Variants in NCKAP1 observed in about 807,000 individuals in gnomAD.
NCKAP1 encodes NCK associated protein 1, also known as nck-associated protein 1.
A neutral mutation model predicts 151.2 loss-of-function variants in NCKAP1; 21 were observed. The ratio of observed to expected loss-of-function variants is 0.14; its 90% CI spans 0.10 to 0.20. The LOEUF is 0.20. NCKAP1 is among the 10% of genes least tolerant of loss of function. The probability of loss-of-function intolerance (pLI) is 1.00; values close to 1 mark genes in which losing one functional copy is unlikely to be tolerated. For synonymous variants in NCKAP1, 484 were observed against 451.8 expected (o/e 1.07, Z -0.90); for missense variants, 933 against 1,352.1 (o/e 0.69, Z 4.86).
intron 26 of NCKAP1, 34 bp from the exon 27 acceptor site, chr2:182,930,822 T>C (rs754782768): frequency 1.8e-5 from 28 of 1,553,850 alleles, no homozygotes; most frequent in Non-Finnish European, 2.4e-5. Context: ...GAGCAATAAA[T>C]AGTCTAACAA....
intron 29 of NCKAP1, chr2:182,927,133 T>C (rs13421966): frequency 0.18 from 67,882 of 382,274 alleles, 6,499 homozygotes; most frequent in East Asian, 0.23. Context: ...AATATTCTTA[T>C]TGGTCTTTAA....
At chr2:183,018,697 A>C (rs2105890323) in intron 2 of NCKAP1, among the ~76,000 whole-genome samples, 1 of 152,346 alleles carries the variant, frequency 6.6e-6, no homozygotes, top group African/African-American at 2.4e-5. Context: ...AACTTTTAAA[A>C]AGTGTGGATA....
intron 15 of NCKAP1, among the ~76,000 whole-genome samples, chr2:182,972,238 A>C (rs1422382218): frequency 2.0e-5 from 3 of 150,846 alleles, no homozygotes; most frequent in South Asian, 2.1e-4. Context: ...AAAAAAAAAA[A>C]AAAAAAACAA....
rs1466802490 is a variant in NCKAP1 at position 182,912,359 on chromosome 2, C to G, written c.*13343G>C. On this transcript the variant is annotated 3_prime_UTR_variant, in exon 31 of 31. Coordinates refer to ENST00000361354, the MANE Select transcript of NCKAP1 (RefSeq NM_013436.5). ...TTTTTGCCAGTGCCAAAAAGATTTC[C>G]AAATCTTTTCAGCTAAAAAGCCAGC... 1.3e-5 allele frequency: 2 copies of G among 152,072 alleles called. No homozygotes were observed. Among genetic ancestry groups the G allele is most frequent in the Admixed American group, 1.3e-4 (2 of 15,256 alleles). The allele number at this position is 152,072 out of a possible 1,614,324, so 9.4% of individuals were successfully genotyped here. A position where few individuals can be genotyped will look rare whatever the true frequency, so the allele number is the denominator to read the frequency against.
At chr2:183,010,426 C>T (rs145529058) in intron 2 of NCKAP1, among the ~76,000 whole-genome samples, 166 of 152,298 alleles carry the variant, frequency 1.1e-3, no homozygotes, top group African/African-American at 2.2e-3. Flanking sequence ...GAATGCACTG[C>T]GGTAACCTAA....
intron 2 of NCKAP1, among the ~76,000 whole-genome samples, chr2:183,021,269 G>A (rs1259757900): frequency 6.6e-6 from 1 of 152,122 alleles, no homozygotes; most frequent in Non-Finnish European, 1.5e-5. Context: ...TGAATAAAAT[G>A]TGGTATATCC....
chr2:182,929,012 A>G (rs1696705560), intron 27 of NCKAP1, 113 bp from the exon 28 acceptor site: 1 of 665,866 alleles, frequency 1.5e-6, no homozygotes, highest in African/African-American at 1.9e-5. Flanking sequence ...TTTTTTTTTG[A>G]AATAGTAAAC....
At chr2:182,942,451 C>T (rs753347312) in intron 23 of NCKAP1, among the ~76,000 whole-genome samples, 3 of 151,926 alleles carry the variant, frequency 2.0e-5, no homozygotes, top group African/African-American at 7.3e-5. Context: ...AGACGCTGAA[C>T]GGCATCAATA....
At chr2:183,009,394 G>A (rs541972105) in intron 2 of NCKAP1, among the ~76,000 whole-genome samples, 2 of 143,048 alleles carry the variant, frequency 1.4e-5, no homozygotes, top group South Asian at 4.7e-4. Flanking sequence ...AAAGAGGGAG[G>A]GGGAGGGGGA....
At chr2:182,927,195 C>T in intron 29 of NCKAP1, 3 of 271,868 alleles carry the variant, frequency 1.1e-5, no homozygotes, top group South Asian at 4.8e-5. Context: ...AAATTATTTT[C>T]TCTTATCCCA....
At chr2:183,030,452 T>C (rs1424008820) in intron 1 of NCKAP1, among the ~76,000 whole-genome samples, 1 of 152,218 alleles carries the variant, frequency 6.6e-6, no homozygotes, top group Non-Finnish European at 1.5e-5. Context: ...AAGAACAAAA[T>C]GATTTTCTAG....
rs202096713 is a variant in NCKAP1 at position 182,976,340 on chromosome 2, GT to G, written c.1482+552del. ...TTTATTTGTTTTTCAGAAAATGGAA[GT>G]TTTTTGTACAGATCGTGGTGGTAAA... On this transcript the variant is annotated intron_variant, in intron 15 of 30. Coordinates refer to ENST00000361354, the MANE Select transcript of NCKAP1 (RefSeq NM_013436.5). Among the ~76,000 whole-genome samples, 618 of 152,298 alleles carry G rather than the reference GT, an allele frequency of 4.1e-3. 7 individuals are homozygous for G. The East Asian group carries it at 0.064, about 16-fold the overall frequency.
intron 11 of NCKAP1, 138 bp from the exon 12 acceptor site, chr2:182,983,065 C>T: frequency 1.4e-6 from 1 of 718,830 alleles, no homozygotes; most frequent in Admixed American, 2.9e-5. Flanking sequence ...GAAGAGGACA[C>T]AAGAGAACCT....
chr2:182,953,086 C>T (rs1205951897), intron 21 of NCKAP1, 27 bp downstream of exon 21: 8 of 1,564,708 alleles, frequency 5.1e-6, no homozygotes, highest in Non-Finnish European at 6.9e-6. Flanking sequence ...TTTTCCGCTA[C>T]TACAAATTTC....
At position 182,956,644 on chromosome 2, in the gene NCKAP1, T is replaced by C. The variant is rs974549764; in HGVS notation, c.2022-51A>G. 3.9e-6 allele frequency: 6 copies of C among 1,524,618 alleles called. No homozygotes were observed. The East Asian group carries it at 9.2e-5, about 23-fold the overall frequency. 94.4% of individuals were successfully genotyped at this position (1,524,618 alleles called of 1,614,324 possible). A position where few individuals can be genotyped will look rare whatever the true frequency, so the allele number is the denominator to read the frequency against. ...AATGTTCACATGTCATCACAGGCAA[T>C]ACAAAATTAATTTTATAAATATATC... On this transcript the variant is annotated intron_variant, in intron 19 of 30. Coordinates refer to ENST00000361354, the MANE Select transcript of NCKAP1 (RefSeq NM_013436.5).
At chr2:182,971,511 A>G (rs1697691302) in intron 15 of NCKAP1, among the ~76,000 whole-genome samples, 1 of 152,112 alleles carries the variant, frequency 6.6e-6, no homozygotes, top group African/African-American at 2.4e-5. Flanking sequence ...CTAAATACCA[A>G]TGACATTCTT....
chr2:182,925,539 T>C lies in NCKAP1; in HGVS notation c.*163A>G, dbSNP rs1696626286. 2.4e-6 allele frequency: 1 copy of C among 419,530 alleles called. No individual in the cohort carries two copies. The highest frequency in any genetic ancestry group is 4.4e-6 in the Non-Finnish European group (1 of 226,424). The allele number at this position is 419,530 out of a possible 1,614,324, so 26.0% of individuals were successfully genotyped here. On this transcript the variant is annotated 3_prime_UTR_variant, in exon 31 of 31. Transcript: ENST00000361354. ...CAACCTAAATCAACCAAGTATACTG[T>C]AGTACAACCATATTAAGAAACCAAT...
At chr2:182,982,630 T>C (rs907780285) in intron 12 of NCKAP1, among the ~76,000 whole-genome samples, 191 bp downstream of exon 12, 3 of 152,154 alleles carry the variant, frequency 2.0e-5, no homozygotes, top group African/African-American at 7.2e-5. Context: ...AACTGTAGGC[T>C]AATAAAAGAG....
At chr2:182,940,791 ATG>A (rs1377510538) in intron 24 of NCKAP1, among the ~76,000 whole-genome samples, 1 of 152,198 alleles carries the variant, frequency 6.6e-6, no homozygotes, top group Non-Finnish European at 1.5e-5. Context: ...ACACAGTGAT[ATG>A]TGTCGTATGA....
Sources: gnomAD v4.1 joint callset for allele counts (sites outside exome capture counted in the v4.1 genomes callset) on GRCh38, gnomAD v4.1.1 for gene constraint, MANE v1.5 for transcripts, NCBI Gene and HGNC (gene_info 2026-07-23, HGNC 2026-07-21) for gene names.